Variants in LARGE1 observed in about 807,000 individuals in gnomAD.
The protein encoded by LARGE1 is xylosyl- and glucuronyltransferase LARGE1.
In LARGE1, 43 loss-of-function variants were observed where a neutral mutation model predicts 87.6. The observed-to-expected ratio is 0.49, with a 90% CI of 0.38 to 0.63. LARGE1 has a LOEUF of 0.63. Ranked by LOEUF, LARGE1 falls within the 30% of genes least tolerant of loss-of-function variation. LARGE1 has a pLI of 0.00. For synonymous variants in LARGE1, 434 were observed against 394.6 expected (o/e 1.10, Z -1.18); for missense variants, 802 against 1,000.2 (o/e 0.80, Z 2.67).
chr22:33,729,883 T>G (rs1161162169), intron 2 of LARGE1, among the ~76,000 whole-genome samples: 2 of 152,194 alleles, frequency 1.3e-5, no homozygotes, highest in East Asian at 3.9e-4. Flanking sequence ...CATCAAGTAT[T>G]TATGGAGGAC....
intron 2 of LARGE1, among the ~76,000 whole-genome samples, chr22:33,666,315 A>C (rs746464954): frequency 6.6e-6 from 1 of 152,222 alleles, no homozygotes; most frequent in East Asian, 1.9e-4. Context: ...GAGGGCAAGC[A>C]TGGATGCAGA....
intron 11 of LARGE1, among the ~76,000 whole-genome samples, chr22:33,260,189 A>C (rs1348289017): frequency 1.3e-5 from 2 of 149,322 alleles, no homozygotes; most frequent in African/African-American, 2.5e-5. Flanking sequence ...TTTTCTTCCC[A>C]CCCCCCTGCC....
At chr22:33,696,076 C>T (rs112785753) in intron 2 of LARGE1, among the ~76,000 whole-genome samples, 262 of 152,118 alleles carry the variant, frequency 1.7e-3, no homozygotes, top group Middle Eastern at 3.4e-3. Flanking sequence ...TTTTACTGAC[C>T]GCTTGGTGAG....
intron 11 of LARGE1, among the ~76,000 whole-genome samples, chr22:33,169,432 T>G (rs1358715115): frequency 6.6e-6 from 1 of 152,152 alleles, no homozygotes; most frequent in Non-Finnish European, 1.5e-5. Flanking sequence ...ATACCAGACA[T>G]GACTTTCAGG....
intron 1 of LARGE1, among the ~76,000 whole-genome samples, chr22:33,810,740 T>C (rs2086467040): frequency 6.6e-6 from 1 of 151,910 alleles, no homozygotes; most frequent in Admixed American, 6.6e-5. Context: ...TTTTTTTTTT[T>C]TGAGATGGAG....
At chr22:33,709,919 G>A (rs980125102) in intron 2 of LARGE1, among the ~76,000 whole-genome samples, 4 of 146,852 alleles carry the variant, frequency 2.7e-5, no homozygotes, top group African/African-American at 5.1e-5. Flanking sequence ...GAGCCACCAC[G>A]CTCAGCTGGC....
chr22:33,089,523 G>T, the LARGE1 span, among the ~76,000 whole-genome samples: 1 of 146,824 alleles, frequency 6.8e-6, no homozygotes, highest in African/African-American at 2.6e-5. Flanking sequence ...TTTGAAACAG[G>T]GTCTTGCTTT....
At chr22:33,667,823 C>T (rs1438024325) in intron 2 of LARGE1, among the ~76,000 whole-genome samples, 2 of 152,212 alleles carry the variant, frequency 1.3e-5, no homozygotes, top group Non-Finnish European at 2.9e-5. Context: ...GGGCAAAGGC[C>T]TTTTCTATAA....
At chr22:33,312,655 G>A (rs1935731103) in intron 11 of LARGE1, among the ~76,000 whole-genome samples, 5 of 152,106 alleles carry the variant, frequency 3.3e-5, no homozygotes, top group Admixed American at 2.0e-4. Context: ...ATTATCAGGA[G>A]GCCTGAATGC....
intron 6 of LARGE1, among the ~76,000 whole-genome samples, chr22:33,537,101 G>A (rs57465418): frequency 0.012 from 1,766 of 152,280 alleles, 35 homozygotes; most frequent in African/African-American, 0.041. Context: ...GTGAGCCACC[G>A]CGCCCAGTGA....
At chr22:33,743,581 G>T (rs904136645) in intron 2 of LARGE1, among the ~76,000 whole-genome samples, 9 of 152,176 alleles carry the variant, frequency 5.9e-5, no homozygotes, top group Admixed American at 5.9e-4. Flanking sequence ...CTGCTTCTCT[G>T]TAAAAGTATG....
intron 1 of LARGE1, among the ~76,000 whole-genome samples, chr22:33,783,853 C>CTGGAAGTAG (rs2085511561): frequency 6.6e-6 from 1 of 152,130 alleles, no homozygotes; most frequent in Non-Finnish European, 1.5e-5. Context: ...CCAGGCTCTA[C>CTGGAAGTAG]TGGAAGTAGT....
At chr22:33,195,578 T>C (rs866580337) in intron 11 of LARGE1, among the ~76,000 whole-genome samples, 13 of 151,994 alleles carry the variant, frequency 8.6e-5, no homozygotes, top group South Asian at 2.1e-4. Context: ...TACAATAATG[T>C]ATGGGTCAAA....
intron 6 of LARGE1, among the ~76,000 whole-genome samples, chr22:33,434,403 TA>T (rs2067190712): frequency 6.6e-6 from 1 of 152,102 alleles, no homozygotes; most frequent in South Asian, 2.1e-4. Flanking sequence ...CGGGTTCAAG[TA>T]ACTCCCCTGC....
At chr22:33,857,370 A>G (rs1471432302) in intron 1 of LARGE1, among the ~76,000 whole-genome samples, 1 of 152,246 alleles carries the variant, frequency 6.6e-6, no homozygotes, top group African/African-American at 2.4e-5. Flanking sequence ...GGAAGCCCCA[A>G]AGGGCAAGAA....
intron 11 of LARGE1, among the ~76,000 whole-genome samples, chr22:33,312,044 T>C (rs1046353179): frequency 6.6e-6 from 1 of 152,188 alleles, no homozygotes; most frequent in Non-Finnish European, 1.5e-5. Context: ...ACTGGTATCA[T>C]TCTGGGAGCC....
At chr22:33,849,590 CTCTTTTTT>C (rs1185202815) in intron 1 of LARGE1, among the ~76,000 whole-genome samples, 3 of 116,306 alleles carry the variant, frequency 2.6e-5, no homozygotes, top group African/African-American at 3.8e-5. Context: ...TTCTTTTCTT[CTCTTTTTT>C]TTTTTTTTTT....
intron 7 of LARGE1, among the ~76,000 whole-genome samples, chr22:33,389,000 G>A (rs2065421837): frequency 6.6e-6 from 1 of 152,228 alleles, no homozygotes; most frequent in Admixed American, 6.5e-5. Flanking sequence ...TGTGATGACT[G>A]CAAACACTGA....
chr22:33,667,611 G>C (rs1603061461), intron 2 of LARGE1, among the ~76,000 whole-genome samples: 1 of 152,122 alleles, frequency 6.6e-6, no homozygotes, highest in Non-Finnish European at 1.5e-5. Context: ...GCAGACAACA[G>C]GATTAAAAAC....
Sources: gnomAD v4.1 joint callset for allele counts (sites outside exome capture counted in the v4.1 genomes callset) on GRCh38, gnomAD v4.1.1 for gene constraint, MANE v1.5 for transcripts, NCBI Gene and HGNC (gene_info 2026-07-23, HGNC 2026-07-21) for gene names.